The following NALF1 variants were observed in gnomAD, a reference collection of about 807,000 sequenced individuals.
NALF1 encodes the protein family with sequence similarity 155 member A.
NALF1 carries 3 observed loss-of-function variants against 48.4 expected under a neutral mutation model. That is an observed-to-expected ratio of 0.06 (90% confidence interval 0.03 to 0.16). The LOEUF (loss-of-function observed/expected upper bound fraction) is 0.16. Ranked by LOEUF, NALF1 falls within the 10% of genes least tolerant of loss-of-function variation. NALF1 has a pLI of 1.00. For missense variants in NALF1, 526 were observed against 571.5 expected (o/e 0.92, Z 0.81); for synonymous variants, 262 against 245.7 (o/e 1.07, Z -0.62).
intron 1 of NALF1, among the ~76,000 whole-genome samples, chr13:107,363,894 GT>G (rs1407380964): frequency 1.3e-5 from 2 of 152,180 alleles, no homozygotes; most frequent in African/African-American, 4.8e-5. Flanking sequence ...GTAACTTTGG[GT>G]TCTGAGTGAT....
intron 1 of NALF1, among the ~76,000 whole-genome samples, chr13:107,384,582 G>T (rs945121680): frequency 6.6e-6 from 1 of 151,876 alleles, no homozygotes; most frequent in Non-Finnish European, 1.5e-5. Flanking sequence ...TATCAAATTA[G>T]AAGTGAATAA....
At chr13:107,255,121 C>T (rs1880786347) in intron 1 of NALF1, among the ~76,000 whole-genome samples, 1 of 152,176 alleles carries the variant, frequency 6.6e-6, no homozygotes, top group Non-Finnish European at 1.5e-5. Context: ...GTGTCCATTT[C>T]ACTTACAGAC....
At chr13:107,809,938 TATC>T (rs1478894240) in intron 1 of NALF1, among the ~76,000 whole-genome samples, 1 of 152,090 alleles carries the variant, frequency 6.6e-6, no homozygotes, top group East Asian at 1.9e-4. Context: ...GTTTTAATCT[TATC>T]ATGTCTCTCA....
chr13:107,768,447 T>A (rs1877479468), intron 1 of NALF1, among the ~76,000 whole-genome samples: 1 of 152,220 alleles, frequency 6.6e-6, no homozygotes, highest in Non-Finnish European at 1.5e-5. Flanking sequence ...CACAATAAAC[T>A]GGTTAATAAT....
chr13:107,408,525 G>T (rs750643801), intron 1 of NALF1, among the ~76,000 whole-genome samples: 1 of 151,982 alleles, frequency 6.6e-6, no homozygotes, highest in African/African-American at 2.4e-5. Context: ...GATTGTAATC[G>T]CTGCTAGAGA....
chr13:107,657,826 A>T (rs1314162843), intron 1 of NALF1, among the ~76,000 whole-genome samples: 1 of 152,150 alleles, frequency 6.6e-6, no homozygotes, highest in Non-Finnish European at 1.5e-5. Context: ...TTGCTCACCC[A>T]TTTACATTTT....
At chr13:107,348,493 G>T (rs990648491) in intron 1 of NALF1, among the ~76,000 whole-genome samples, 5 of 151,970 alleles carry the variant, frequency 3.3e-5, no homozygotes, top group Non-Finnish European at 5.9e-5. Flanking sequence ...TGTTACATAG[G>T]TATACATGTG....
intron 1 of NALF1, among the ~76,000 whole-genome samples, chr13:107,527,136 A>G (rs183222728): frequency 6.6e-6 from 1 of 152,248 alleles, no homozygotes; most frequent in East Asian, 1.9e-4. Flanking sequence ...GTAAGGAAAA[A>G]AATAAATGTC....
chr13:107,305,689 A>G (rs1402100381), intron 1 of NALF1, among the ~76,000 whole-genome samples: 1 of 152,250 alleles, frequency 6.6e-6, no homozygotes, highest in Non-Finnish European at 1.5e-5. Flanking sequence ...AAGTGGTGAC[A>G]CATAAAACAA....
At chr13:107,553,564 T>C (rs1877362564) in intron 1 of NALF1, among the ~76,000 whole-genome samples, 1 of 152,210 alleles carries the variant, frequency 6.6e-6, no homozygotes. Flanking sequence ...TGATCTAAAG[T>C]GTATTTACAA....
intron 1 of NALF1, among the ~76,000 whole-genome samples, chr13:107,515,920 T>C (rs1471508896): frequency 6.6e-5 from 10 of 152,128 alleles, no homozygotes; most frequent in Non-Finnish European, 1.3e-4. Flanking sequence ...GACTATGTCA[T>C]GAAAGGAACT....
At chr13:107,179,016 T>C (rs1364227792) in intron 2 of NALF1, among the ~76,000 whole-genome samples, 1 of 152,054 alleles carries the variant, frequency 6.6e-6, no homozygotes, top group African/African-American at 2.4e-5. Context: ...GCTAGTTTTA[T>C]GTCCACAGAA....
intron 1 of NALF1, among the ~76,000 whole-genome samples, chr13:107,818,292 C>T (rs1879235886): frequency 6.6e-6 from 1 of 152,072 alleles, no homozygotes; most frequent in South Asian, 2.1e-4. Flanking sequence ...GATTGGGGGA[C>T]ATCAAAGTGG....
intron 1 of NALF1, among the ~76,000 whole-genome samples, chr13:107,690,792 T>C (rs1290082583): frequency 6.6e-6 from 1 of 152,190 alleles, no homozygotes; most frequent in Non-Finnish European, 1.5e-5. Flanking sequence ...GGAAATTTCA[T>C]TATTCCTGCT....
At chr13:107,317,664 T>A (rs1215841575) in intron 1 of NALF1, among the ~76,000 whole-genome samples, 1 of 152,022 alleles carries the variant, frequency 6.6e-6, no homozygotes, top group Admixed American at 6.6e-5. Flanking sequence ...TAGACTATTA[T>A]AAGAAATAGT....
At chr13:107,576,626 A>G (rs1878157318) in intron 1 of NALF1, among the ~76,000 whole-genome samples, 1 of 152,208 alleles carries the variant, frequency 6.6e-6, no homozygotes, top group South Asian at 2.1e-4. Flanking sequence ...GAAGGAAATG[A>G]TTAATTTTCT....
At chr13:107,817,080 G>A (rs1374472512) in intron 1 of NALF1, among the ~76,000 whole-genome samples, 1 of 151,974 alleles carries the variant, frequency 6.6e-6, no homozygotes, top group Non-Finnish European at 1.5e-5. Flanking sequence ...GAAAGAGCAA[G>A]AGCAATTTAT....
chr13:107,532,482 T>A (rs551630974), intron 1 of NALF1, among the ~76,000 whole-genome samples: 31 of 152,058 alleles, frequency 2.0e-4, no homozygotes, highest in Non-Finnish European at 4.6e-4. Flanking sequence ...TGCTTCCTCA[T>A]CAACAAACAT....
At chr13:107,254,058 C>T (rs1420651971) in intron 1 of NALF1, among the ~76,000 whole-genome samples, 2 of 128,514 alleles carry the variant, frequency 1.6e-5, no homozygotes, top group African/African-American at 3.1e-5. Context: ...GGAGCAAGTA[C>T]TAAAATATAT....
Sources: allele counts gnomAD v4.1 joint callset (sites outside exome capture counted in the v4.1 genomes callset), GRCh38; gene constraint gnomAD v4.1.1; transcripts MANE v1.5; gene names NCBI Gene and HGNC (gene_info 2026-07-23, HGNC 2026-07-21).